MAP3K19: variants seen among roughly 807,000 people sequenced by gnomAD.
The protein encoded by MAP3K19 is SPS1/STE20-related protein kinase YSK4.
MAP3K19 carries 91 observed loss-of-function variants against 114.4 expected under a neutral mutation model. The ratio of observed to expected loss-of-function variants is 0.80; its 90% CI spans 0.67 to 0.95. MAP3K19 has a LOEUF of 0.95. Among genes scored for constraint, MAP3K19 ranks in the 40% least tolerant of loss-of-function variants. The pLI, the probability that MAP3K19 is intolerant of heterozygous loss-of-function variation, is 0.00. For missense variants in MAP3K19, 1,471 were observed against 1,573.2 expected (o/e 0.94, Z 1.10); for synonymous variants, 518 against 530.5 (o/e 0.98, Z 0.32).
At chr2:134,973,834 T>C (rs1482961658) in intron 12 of MAP3K19, among the ~76,000 whole-genome samples, 1 of 152,190 alleles carries the variant, frequency 6.6e-6, no homozygotes, top group African/African-American at 2.4e-5. Flanking sequence ...CTTCCAGGTG[T>C]AGGACTTTCT....
intron 12 of MAP3K19, among the ~76,000 whole-genome samples, chr2:134,976,878 C>T (rs1291044779): frequency 6.6e-6 from 1 of 151,664 alleles, no homozygotes; most frequent in Non-Finnish European, 1.5e-5. Flanking sequence ...AACCCCGTCT[C>T]TACTAAAAAA....
chr2:134,974,998 G>T (rs1404406466), intron 12 of MAP3K19, among the ~76,000 whole-genome samples: 2 of 152,188 alleles, frequency 1.3e-5, no homozygotes, highest in Non-Finnish European at 2.9e-5. Flanking sequence ...TTCCTCAGCG[G>T]CTAAGTCTGT....
intron 2 of MAP3K19, among the ~76,000 whole-genome samples, chr2:135,034,811 G>A (rs1238101780): frequency 5.5e-4 from 70 of 128,004 alleles, no homozygotes; most frequent in African/African-American, 1.8e-3. Context: ...GGGGGAGACC[G>A]TGGGCTGTGG....
Position 135,000,020 on chromosome 2 carries a change from A to G in MAP3K19, c.236-5T>C. On this transcript the variant is annotated splice_region_variant and splice_polypyrimidine_tract_variant and intron_variant, in intron 6 of 12. Coordinates refer to ENST00000392915, the MANE Select transcript of MAP3K19 (RefSeq NM_025052.5). ...AAGTTACAGTGATCTCAACACCTGT[A>G]GAAACATACCACAGTAGTAGAAGGA... 6.3e-7 allele frequency: 1 copy of G among 1,585,112 alleles called. No individual in the cohort carries two copies. The highest frequency in any genetic ancestry group is 8.7e-7 in the Non-Finnish European group (1 of 1,153,662).
chr2:135,006,561 G>A (rs1361152538), intron 5 of MAP3K19, among the ~76,000 whole-genome samples: 3 of 151,964 alleles, frequency 2.0e-5, no homozygotes, highest in African/African-American at 7.3e-5. Context: ...TGTAATCCCA[G>A]CACTTTGGGA....
chr2:134,971,934 A>G (rs1018477182), intron 12 of MAP3K19, among the ~76,000 whole-genome samples: 5 of 145,554 alleles, frequency 3.4e-5, no homozygotes, highest in Non-Finnish European at 6.1e-5. Flanking sequence ...TTACTTTTCT[A>G]TTGATTTTTA....
chr2:135,009,862 T>C (rs988708526), intron 5 of MAP3K19, among the ~76,000 whole-genome samples: 8 of 152,168 alleles, frequency 5.3e-5, no homozygotes, highest in Non-Finnish European at 1.0e-4. Context: ...ACCGTTCCAA[T>C]AATGGAACAC....
At chr2:134,989,848 G>A (rs763383390) in intron 9 of MAP3K19, among the ~76,000 whole-genome samples, 1 of 152,096 alleles carries the variant, frequency 6.6e-6, no homozygotes, top group African/African-American at 2.4e-5. Flanking sequence ...TTGGGAGGCC[G>A]AGGCAATCGG....
chr2:134,976,525 C>G (rs189073995), intron 12 of MAP3K19, among the ~76,000 whole-genome samples: 8 of 152,234 alleles, frequency 5.3e-5, no homozygotes, highest in Admixed American at 5.2e-4. Context: ...CCAGTGTTCT[C>G]TCTCAGATGC....
intron 2 of MAP3K19, among the ~76,000 whole-genome samples, chr2:135,030,730 A>G (rs1480825402): frequency 6.6e-6 from 1 of 152,228 alleles, no homozygotes; most frequent in African/African-American, 2.4e-5. Flanking sequence ...CACACAAAAC[A>G]TTGAAGTTTT....
At chr2:134,970,702 A>G (rs1683813220) in intron 12 of MAP3K19, among the ~76,000 whole-genome samples, 1 of 148,598 alleles carries the variant, frequency 6.7e-6, no homozygotes, top group Non-Finnish European at 1.5e-5. Context: ...GGTTCATGCC[A>G]TTCTCCTGCC....
At chr2:134,995,224 G>C (rs528062850) in intron 8 of MAP3K19, among the ~76,000 whole-genome samples, 2 of 151,582 alleles carry the variant, frequency 1.3e-5, no homozygotes, top group East Asian at 3.9e-4. Context: ...GCTGAAGAGG[G>C]AGAATGGCTT....
At chr2:135,026,012 A>G (rs948015981) in intron 3 of MAP3K19, among the ~76,000 whole-genome samples, 1 of 152,182 alleles carries the variant, frequency 6.6e-6, no homozygotes, top group African/African-American at 2.4e-5. Flanking sequence ...CTTCGTTGCT[A>G]TGGGACAGGG....
chr2:134,988,424 T>G (rs563961301), intron 9 of MAP3K19, among the ~76,000 whole-genome samples, 171 bp from the exon 10 acceptor site: 3 of 152,318 alleles, frequency 2.0e-5, no homozygotes, highest in Admixed American at 6.5e-5. Flanking sequence ...AAGATCTCGC[T>G]CTGTCACCCA....
chr2:134,990,631 C>T (rs1167566157), intron 9 of MAP3K19, among the ~76,000 whole-genome samples: 8 of 151,992 alleles, frequency 5.3e-5, no homozygotes, highest in Admixed American at 5.2e-4. Flanking sequence ...CACCCGCCAC[C>T]ATGCCCAGCT....
chr2:134,981,368 C>CCA lies in MAP3K19; in HGVS notation c.3371_3372dup (p.Ala1125TrpfsTer13). ...TCTTGCAAGCATGTCCCCAAATAGG[C>CCA]CACAATGTTGACATGTTTCAGTGCT... On this transcript the variant is annotated frameshift_variant, in exon 12 of 13. Transcript: ENST00000392915. LOFTEE classifies it high-confidence loss of function. The CCA allele has an allele frequency of 1.2e-6, 2 of 1,614,160 alleles. No individual in the cohort carries two copies. Among genetic ancestry groups the CCA allele is most frequent in the Non-Finnish European group, 1.7e-6 (2 of 1,180,038 alleles).
intron 6 of MAP3K19, 39 bp downstream of exon 6, chr2:135,005,396 G>A (rs1239916733): frequency 1.4e-6 from 2 of 1,436,984 alleles, no homozygotes; most frequent in South Asian, 2.3e-5. Context: ...ATATGATAAT[G>A]TTATCTTTGT....
chr2:135,021,473 T>TACACACAC (rs111431630), intron 5 of MAP3K19, among the ~76,000 whole-genome samples: 11 of 146,666 alleles, frequency 7.5e-5, no homozygotes, highest in African/African-American at 2.2e-4. Context: ...CACACACACA[T>TACACACAC]ACACACACAC....
At chr2:135,018,815 C>T (rs533896253) in intron 5 of MAP3K19, among the ~76,000 whole-genome samples, 5 of 152,098 alleles carry the variant, frequency 3.3e-5, no homozygotes, top group East Asian at 1.9e-4. Flanking sequence ...CTGGGCGTGG[C>T]GGCTCACACT....
Sources: allele counts gnomAD v4.1 joint callset (sites outside exome capture counted in the v4.1 genomes callset), GRCh38; gene constraint gnomAD v4.1.1; transcripts MANE v1.5; gene names NCBI Gene and HGNC (gene_info 2026-07-23, HGNC 2026-07-21).